Variants in DBNL observed in about 807,000 individuals in gnomAD.
DBNL encodes drebrin-like protein.
A neutral mutation model predicts 62.2 loss-of-function variants in DBNL; 35 were observed. That is an observed-to-expected ratio of 0.56 (90% CI 0.43 to 0.75). The LOEUF is 0.75. Ranked by LOEUF, DBNL falls within the 30% of genes least tolerant of loss-of-function variation. DBNL has a pLI of 0.00. For synonymous variants in DBNL, 197 were observed against 218.0 expected, an observed-to-expected ratio of 0.90 and a Z score of 0.85; for missense variants, 495 against 578.4, an observed-to-expected ratio of 0.86 and a Z score of 1.48.
rs189942969 is a variant in DBNL, at chr7:44,066,550, G to C, written c.*5634G>C. The C allele has an allele frequency of 1.3e-5, 2 of 152,462 alleles. No individual in the cohort carries two copies. Among genetic ancestry groups the C allele is most frequent in the Non-Finnish European group, 2.9e-5 (2 of 68,100 alleles). 9.4% of individuals were successfully genotyped at this position (152,462 alleles called of 1,614,324 possible). On this transcript the variant is annotated 3_prime_UTR_variant, in exon 13 of 13. Coordinates refer to ENST00000448521, the MANE Select transcript of DBNL (RefSeq NM_001014436.3). The stretch of plus-strand genomic sequence containing the variant: ...GGGCCTCCCATTTCCTCCCACCCCA[G>C]TGACCACACTGTCACCTGCGACACT...
intron 4 of DBNL, among the ~76,000 whole-genome samples, chr7:44,053,352 T>C (rs1331320154): frequency 6.6e-6 from 1 of 152,232 alleles, no homozygotes; most frequent in Non-Finnish European, 1.5e-5. Context: ...CCCCTCTACA[T>C]GGAGTTATGT....
Position 44,061,059 on chromosome 7 carries a change from C to G in DBNL, c.*143C>G, listed in dbSNP as rs2096148074. The stretch of plus-strand genomic sequence containing the variant: ...GGCCTCAGGGCTCCCTCCGGCTTGG[C>G]AGACTCAGCCTGTCACCCCAAATGC... On this transcript the variant is annotated 3_prime_UTR_variant, in exon 13 of 13. Coordinates refer to ENST00000448521, the MANE Select transcript of DBNL (RefSeq NM_001014436.3). 1 of 1,145,094 alleles carries G rather than the reference C, an allele frequency of 8.7e-7. No homozygotes were observed. The highest frequency in any genetic ancestry group is 1.2e-6 in the Non-Finnish European group (1 of 833,802). 70.9% of individuals were successfully genotyped at this position (1,145,094 alleles called of 1,614,324 possible).
At chr7:44,050,144 A>T in intron 1 of DBNL, 81 bp from the exon 2 acceptor site, 1 of 1,483,074 alleles carries the variant, frequency 6.7e-7, no homozygotes, top group Non-Finnish European at 9.4e-7. Flanking sequence ...TTTGGGATGT[A>T]GTGGAAAGTC....
At chr7:44,050,122 C>A in intron 1 of DBNL, 103 bp from the exon 2 acceptor site, 2 of 1,340,696 alleles carry the variant, frequency 1.5e-6, no homozygotes, top group Non-Finnish European at 2.1e-6. Context: ...GTGTTACTGT[C>A]AGCCCAAGCT....
In DBNL at chr7:44,064,793, G is replaced by GGCCA; in HGVS notation, c.*3877_*3878insGCCA. On this transcript the variant is annotated 3_prime_UTR_variant, in exon 13 of 13. Transcript: ENST00000448521. The stretch of plus-strand genomic sequence containing the variant: ...AGATGAGAAGCCAGCTGGGGCTGCT[G>GGCCA]CCCACCCACCCTGCCCAGGCTCCTG... The GGCCA allele has an allele frequency of 2.6e-6, 3 of 1,136,980 alleles. No homozygotes were observed. Among genetic ancestry groups the GGCCA allele is most frequent in the East Asian group, 2.5e-5 (1 of 40,040 alleles). 70.4% of individuals were successfully genotyped at this position (1,136,980 alleles called of 1,614,324 possible).
intron 1 of DBNL, among the ~76,000 whole-genome samples, chr7:44,045,743 G>A (rs974307201): frequency 6.6e-6 from 1 of 152,206 alleles, no homozygotes; most frequent in Non-Finnish European, 1.5e-5. Context: ...GCTCTCCGTA[G>A]TGCCCAGCAC....
intron 1 of DBNL, among the ~76,000 whole-genome samples, chr7:44,047,230 C>T (rs1487529513): frequency 6.6e-6 from 1 of 152,220 alleles, no homozygotes; most frequent in African/African-American, 2.4e-5. Flanking sequence ...TGGGCTCTGT[C>T]TCTGTCCTCG....
chr7:44,049,065 G>A lies in DBNL; in HGVS notation c.84-1160G>A, dbSNP rs568925911. On this transcript the variant is annotated intron_variant, in intron 1 of 12. Transcript: ENST00000448521. ...AGACAGGGTCCCACCATGTTGCCCA[G>A]GCTGGTCTCAAACTCCTGGGCTCAA... Among the ~76,000 whole-genome samples the A allele has an allele frequency of 3.9e-4, 59 of 152,170 alleles. 1 individual carries two copies. In the South Asian group the frequency reaches 0.012, roughly 31 times the overall value.
In DBNL at chr7:44,065,562, G is replaced by C; in HGVS notation, c.*4646G>C. The C allele has an allele frequency of 1.2e-6, 2 of 1,603,710 alleles. No homozygotes were observed. Among genetic ancestry groups the C allele is most frequent in the East Asian group, 2.2e-5 (1 of 44,812 alleles). On this transcript the variant is annotated 3_prime_UTR_variant, in exon 13 of 13. Coordinates refer to ENST00000448521, the MANE Select transcript of DBNL (RefSeq NM_001014436.3). ...GCAGGGACCACAGAGGACTCTGGACGGGGACGGCTGCTTCCCAACACTCCC... is the reference window on the plus strand; with the variant it reads ...GCAGGGACCACAGAGGACTCTGGACCGGGACGGCTGCTTCCCAACACTCCC...
rs1392929224 is a variant in DBNL at position 44,058,527 on chromosome 7, C to T, written c.753+47C>T. 4 of 1,607,206 alleles carry T rather than the reference C, an allele frequency of 2.5e-6. No individual in the cohort carries two copies. In the African/African-American group the frequency reaches 5.3e-5, roughly 21 times the overall value. ...TGTTTGGACCTGTCCTGGCCACACG[C>T]AGAAGTCCCTGATCTCGGATTGAGG... On this transcript the variant is annotated intron_variant, in intron 8 of 12. Coordinates refer to ENST00000448521, the MANE Select transcript of DBNL (RefSeq NM_001014436.3).
In DBNL at chr7:44,053,016, G is replaced by GC. The variant is rs1162996149; in HGVS notation, c.327+76dup. On this transcript the variant is annotated intron_variant, in intron 4 of 12. Transcript: ENST00000448521. Reference sequence around the variant, plus strand: ...AGGTCTCGCAGGTTCCTGGGTGCGAGCAAGTGGGAATCAGAACTGGAGTTG... The same window carrying GC: ...AGGTCTCGCAGGTTCCTGGGTGCGAGCCAAGTGGGAATCAGAACTGGAGTTG... 7 of 1,542,826 alleles carry GC rather than the reference G, an allele frequency of 4.5e-6. No homozygotes were observed. The East Asian group carries it at 1.4e-4, about 32-fold the overall frequency.
rs78674639 is a variant in DBNL, at chr7:44,057,627, G to T, written c.475-155G>T. Among the ~76,000 whole-genome samples, 310 of 152,296 alleles carry T rather than the reference G, an allele frequency of 2.0e-3. No individual in the cohort carries two copies. The highest frequency in any genetic ancestry group is 7.1e-3 in the African/African-American group (297 of 41,574). ...AGGTCATCTTGGTGTGTGTCTCCTT[G>T]AGGGTCACTGGGCAGTGCTCTGCTG... On this transcript the variant is annotated intron_variant, in intron 5 of 12. Transcript: ENST00000448521.
chr7:44,049,301 T>A (rs1307088348), intron 1 of DBNL, among the ~76,000 whole-genome samples: 1 of 152,148 alleles, frequency 6.6e-6, no homozygotes, highest in East Asian at 1.9e-4. Flanking sequence ...GGACTACAGG[T>A]GCCTGCTGCC....
At position 44,062,616 on chromosome 7, in the gene DBNL, G is replaced by T. The variant is rs1051644097; in HGVS notation, c.*1700G>T. 7.8e-6 allele frequency: 6 copies of T among 769,778 alleles called. No individual in the cohort carries two copies. In the East Asian group the frequency reaches 1.6e-4, roughly 21 times the overall value. 47.7% of individuals were successfully genotyped at this position (769,778 alleles called of 1,614,324 possible). The stretch of plus-strand genomic sequence containing the variant: ...TGTGGGTACTAGGCTCCTGCCCCTG[G>T]TGACACACGTATGGAGTGGGGGAGG... On this transcript the variant is annotated 3_prime_UTR_variant, in exon 13 of 13. Coordinates refer to ENST00000448521, the MANE Select transcript of DBNL (RefSeq NM_001014436.3).
At position 44,059,291 on chromosome 7, in the gene DBNL, G is replaced by A. The variant is rs1363116982; in HGVS notation, c.836-63G>A. The A allele has an allele frequency of 3.3e-6, 5 of 1,529,428 alleles. No individual in the cohort carries two copies. Among genetic ancestry groups the A allele is most frequent in the Non-Finnish European group, 3.6e-6 (4 of 1,112,978 alleles). 94.7% of individuals were successfully genotyped at this position (1,529,428 alleles called of 1,614,324 possible). The stretch of plus-strand genomic sequence containing the variant: ...CGAGCACACCAGGGTGGAGGGTGCT[G>A]TGGGGTGCGTGGGTGTGTGGTGGTG... On this transcript the variant is annotated intron_variant, in intron 9 of 12. Coordinates refer to ENST00000448521, the MANE Select transcript of DBNL (RefSeq NM_001014436.3). This position sits in a 1 kb window ranked among gnomAD's most constrained non-coding sequence, Gnocchi z 4.1.
chr7:44,065,245 G>A lies in DBNL; in HGVS notation c.*4329G>A. The A allele has an allele frequency of 6.2e-7, 1 of 1,613,896 alleles. No homozygotes were observed. The highest frequency in any genetic ancestry group is 8.5e-7 in the Non-Finnish European group (1 of 1,180,052). ...CCGTTTCTGCCTTGTTGAGGCCTGT[G>A]AGGCCCCCGTAATGCCGCTCATTGA... On this transcript the variant is annotated 3_prime_UTR_variant, in exon 13 of 13. Transcript: ENST00000448521.
intron 4 of DBNL, among the ~76,000 whole-genome samples, chr7:44,055,923 A>C (rs1260387223): frequency 6.6e-6 from 1 of 152,074 alleles, no homozygotes; most frequent in Admixed American, 6.6e-5. Flanking sequence ...GATGTAGTCC[A>C]ATTGGTTGAT....
Position 44,062,811 on chromosome 7 carries a change from C to T in DBNL, c.*1895C>T. On this transcript the variant is annotated 3_prime_UTR_variant, in exon 13 of 13. Transcript: ENST00000448521. ...GCCACAGCCTCCATGGCCTTCCGCACCGTTTCCTCATCACCCAGGAACTGC... is the reference window on the plus strand; with the variant it reads ...GCCACAGCCTCCATGGCCTTCCGCATCGTTTCCTCATCACCCAGGAACTGC... 1 of 1,614,204 alleles carries T rather than the reference C, an allele frequency of 6.2e-7. No individual in the cohort carries two copies. Among genetic ancestry groups the T allele is most frequent in the Non-Finnish European group, 8.5e-7 (1 of 1,180,028 alleles).
rs1026868358 is a variant in DBNL, at chr7:44,065,493, C to T, written c.*4577C>T. On this transcript the variant is annotated 3_prime_UTR_variant, in exon 13 of 13. Coordinates refer to ENST00000448521, the MANE Select transcript of DBNL (RefSeq NM_001014436.3). Reference sequence around the variant, plus strand: ...CGGTTCTCCTGGTTCCATGTGCTCTCGCCGTGCCGGACCATCACGAGGCGG... The same window carrying T: ...CGGTTCTCCTGGTTCCATGTGCTCTTGCCGTGCCGGACCATCACGAGGCGG... The T allele has an allele frequency of 8.7e-6, 14 of 1,613,986 alleles. No individual in the cohort carries two copies. The highest frequency in any genetic ancestry group is 1.3e-5 in the African/African-American group (1 of 74,952).
Sources: gnomAD v4.1 joint callset for allele counts (sites outside exome capture counted in the v4.1 genomes callset) on GRCh38, gnomAD v4.1.1 for gene constraint, Gnocchi (gnomAD v3.1) non-coding constraint, MANE v1.5 for transcripts, NCBI Gene and HGNC (gene_info 2026-07-23, HGNC 2026-07-21) for gene names.